Variants in NXPH1 observed in about 807,000 individuals in gnomAD.
The protein encoded by NXPH1 is neurexophilin-1.
NXPH1 carries 5 observed loss-of-function variants against 23.7 expected under a neutral mutation model. The ratio of observed to expected loss-of-function variants is 0.21; its 90% CI spans 0.11 to 0.44. NXPH1 has a LOEUF of 0.44. Among genes scored for constraint, NXPH1 ranks in the 20% least tolerant of loss-of-function variants. The probability of loss-of-function intolerance (pLI) is 0.99; values close to 1 mark genes in which losing one functional copy is unlikely to be tolerated. For synonymous variants in NXPH1, 144 were observed against 122.2 expected, an observed-to-expected ratio of 1.18 and a Z score of -1.18; for missense variants, 324 against 321.6, an observed-to-expected ratio of 1.01 and a Z score of -0.06.
At chr7:8,654,463 A>G (rs1365524524) in intron 2 of NXPH1, among the ~76,000 whole-genome samples, 2 of 152,212 alleles carry the variant, frequency 1.3e-5, no homozygotes, top group Non-Finnish European at 2.9e-5. Flanking sequence ...CTATTGAAGG[A>G]ATATATAATA....
intron 2 of NXPH1, among the ~76,000 whole-genome samples, chr7:8,436,354 C>T (rs1816194672): frequency 6.6e-6 from 1 of 152,204 alleles, no homozygotes; most frequent in Admixed American, 6.5e-5. Context: ...GTCCACCTTC[C>T]TCTCGTCTCG....
chr7:8,551,049 A>C (rs886264862), intron 2 of NXPH1, among the ~76,000 whole-genome samples: 1 of 151,522 alleles, frequency 6.6e-6, no homozygotes, highest in Non-Finnish European at 1.5e-5. Flanking sequence ...TCTAATATGT[A>C]TTAGAAAATT....
intron 2 of NXPH1, among the ~76,000 whole-genome samples, chr7:8,648,870 T>A (rs1003973814): frequency 4.6e-5 from 7 of 152,072 alleles, no homozygotes; most frequent in East Asian, 1.9e-4. Context: ...TTTTTAAAAA[T>A]TTTTGTTTTA....
chr7:8,581,096 C>T (rs866173198), intron 2 of NXPH1, among the ~76,000 whole-genome samples: 1 of 152,168 alleles, frequency 6.6e-6, no homozygotes. Flanking sequence ...CTTTGGTCTA[C>T]AATCCTAGAA....
intron 2 of NXPH1, among the ~76,000 whole-genome samples, chr7:8,588,507 C>G (rs1226512571): frequency 6.6e-6 from 1 of 152,148 alleles, no homozygotes; most frequent in African/African-American, 2.4e-5. Context: ...TTGGCCTTCT[C>G]TTGCACAACA....
intron 2 of NXPH1, among the ~76,000 whole-genome samples, chr7:8,747,767 G>GCA (rs113706004): frequency 0.12 from 18,441 of 150,516 alleles, 2,331 homozygotes; most frequent in African/African-American, 0.33. Context: ...TTTTATTCAC[G>GCA]CACACACACA....
intron 2 of NXPH1, among the ~76,000 whole-genome samples, chr7:8,531,357 T>C (rs1487935870): frequency 1.3e-5 from 2 of 152,200 alleles, no homozygotes; most frequent in Non-Finnish European, 2.9e-5. Flanking sequence ...AATGTCATAC[T>C]CTATTTGTTG....
chr7:8,658,177 C>A (rs1820611824), intron 2 of NXPH1, among the ~76,000 whole-genome samples: 1 of 152,128 alleles, frequency 6.6e-6, no homozygotes, highest in Admixed American at 6.6e-5. Flanking sequence ...TTTCTATGTC[C>A]ATGTATACTT....
intron 2 of NXPH1, among the ~76,000 whole-genome samples, chr7:8,683,797 C>T (rs937277280): frequency 1.3e-5 from 2 of 152,128 alleles, no homozygotes; most frequent in Non-Finnish European, 2.9e-5. Context: ...GTTCAAGACA[C>T]TAGCCTGCTT....
At chr7:8,561,371 C>CACACACACAA (rs1384903994) in intron 2 of NXPH1, among the ~76,000 whole-genome samples, 3 of 150,296 alleles carry the variant, frequency 2.0e-5, no homozygotes, top group Admixed American at 6.6e-5. Flanking sequence ...CACACACACA[C>CACACACACAA]ACACACACAC....
At chr7:8,719,972 G>C (rs1779939135) in intron 2 of NXPH1, among the ~76,000 whole-genome samples, 1 of 152,078 alleles carries the variant, frequency 6.6e-6, no homozygotes, top group Non-Finnish European at 1.5e-5. Context: ...AGAGATTATG[G>C]CTTCATAATC....
chr7:8,681,843 TTCTC>T (rs1041410292), intron 2 of NXPH1, among the ~76,000 whole-genome samples: 11 of 152,210 alleles, frequency 7.2e-5, no homozygotes, highest in African/African-American at 2.7e-4. Context: ...TTTCCAGTCT[TTCTC>T]TACTATTGGG....
chr7:8,745,510 T>C (rs1440443014), intron 2 of NXPH1, among the ~76,000 whole-genome samples: 1 of 152,054 alleles, frequency 6.6e-6, no homozygotes, highest in African/African-American at 2.4e-5. Flanking sequence ...TAATAAGTTT[T>C]TTTTTCATTC....
chr7:8,652,867 T>C (rs1820510647), intron 2 of NXPH1, among the ~76,000 whole-genome samples: 1 of 152,170 alleles, frequency 6.6e-6, no homozygotes, highest in African/African-American at 2.4e-5. Flanking sequence ...TAATTCTCTT[T>C]TTTGTGTAGC....
chr7:8,718,334 A>G (rs1285464422), intron 2 of NXPH1, among the ~76,000 whole-genome samples: 1 of 152,196 alleles, frequency 6.6e-6, no homozygotes, highest in Admixed American at 6.5e-5. Context: ...GTAGGCTTAG[A>G]GCAGTGTAGC....
chr7:8,442,386 G>T lies in NXPH1; in HGVS notation c.54+6619G>T, dbSNP rs1174181374. Among the ~76,000 whole-genome samples the T allele has an allele frequency of 1.3e-5, 2 of 152,070 alleles. No individual in the cohort carries two copies. On this transcript the variant is annotated intron_variant, in intron 2 of 2. Coordinates refer to ENST00000405863, the MANE Select transcript of NXPH1 (RefSeq NM_152745.3). The surrounding 1 kb of genome is among the most constrained non-coding windows in gnomAD (Gnocchi z 4.6). ...CCCCGCTGAACCTGCCTCTGGCCGCGCCTCGCCATCACCCCCGCCGCCCTA... is the reference window on the plus strand; with the variant it reads ...CCCCGCTGAACCTGCCTCTGGCCGCTCCTCGCCATCACCCCCGCCGCCCTA...
At position 8,727,210 on chromosome 7, in the gene NXPH1, T is replaced by G. The variant is rs1583248570; in HGVS notation, c.55-23798T>G. 3.1e-5 allele frequency among the ~76,000 whole-genome samples: 4 copies of G among 131,102 alleles called. No individual in the cohort carries two copies. The East Asian group carries it at 9.2e-4, about 30-fold the overall frequency. The allele number at this position is 131,102 out of a possible 152,430, so 86.0% of individuals were successfully genotyped here. A position where few individuals can be genotyped will look rare whatever the true frequency, so the allele number is the denominator to read the frequency against. On this transcript the variant is annotated intron_variant, in intron 2 of 2. Transcript: ENST00000405863. ...TTTGTTTTTTTCTTGTAAATTTGTT[T>G]GAGTTCATTGTAGATTCTGGATATT...
chr7:8,558,621 C>G (rs1045331634), intron 2 of NXPH1, among the ~76,000 whole-genome samples: 4 of 151,626 alleles, frequency 2.6e-5, no homozygotes, highest in Non-Finnish European at 4.4e-5. Flanking sequence ...CCATACTGAG[C>G]TAGATTCTTA....
intron 2 of NXPH1, among the ~76,000 whole-genome samples, chr7:8,508,241 A>G (rs1330622585): frequency 6.6e-6 from 1 of 152,120 alleles, no homozygotes; most frequent in African/African-American, 2.4e-5. Context: ...TTATAGGTAT[A>G]TTTCAACCCA....
Sources: allele counts gnomAD v4.1 joint callset (sites outside exome capture counted in the v4.1 genomes callset), GRCh38; gene constraint gnomAD v4.1.1; non-coding constraint Gnocchi (gnomAD v3.1); transcripts MANE v1.5; gene names NCBI Gene and HGNC (gene_info 2026-07-23, HGNC 2026-07-21).